Variants in CUX2 observed in about 807,000 individuals in gnomAD.
CUX2 encodes the protein homeobox protein cut-like 2.
CUX2 carries 40 observed loss-of-function variants against 144.8 expected under a neutral mutation model. The observed-to-expected ratio is 0.28, with a 90% confidence interval of 0.21 to 0.36. The LOEUF (loss-of-function observed/expected upper bound fraction) is 0.36, where lower values mean the gene tolerates loss of function less well. CUX2 is among the 10% of genes least tolerant of loss of function. The pLI is 1.00. For missense variants in CUX2, 1,615 were observed against 1,994.0 expected, an observed-to-expected ratio of 0.81 and a Z score of 3.62; for synonymous variants, 827 against 875.6, an observed-to-expected ratio of 0.94 and a Z score of 0.98.
chr12:111,214,187 TTTA>T lies in CUX2; in HGVS notation c.64-10_64-8del. 7.0e-7 allele frequency: 1 copy of T among 1,426,626 alleles called. No individual in the cohort carries two copies. Among genetic ancestry groups the T allele is most frequent in the Non-Finnish European group, 9.5e-7 (1 of 1,056,118 alleles). The allele number at this position is 1,426,626 out of a possible 1,614,324, so 88.4% of individuals were successfully genotyped here. A position where few individuals can be genotyped will look rare whatever the true frequency, so the allele number is the denominator to read the frequency against. ...TCTCTCTCTCTCTTTTTTTTTTTTT[TTTA>T]TTGTTCCAGAAGGAGCTTAATTCCG... On this transcript the variant is annotated splice_polypyrimidine_tract_variant and intron_variant, in intron 1 of 21. Transcript: ENST00000261726.
intron 1 of CUX2, among the ~76,000 whole-genome samples, chr12:111,135,375 C>CAATGCAA (rs1208525525): frequency 6.6e-6 from 1 of 152,048 alleles, no homozygotes; most frequent in African/African-American, 2.4e-5. Context: ...AGTGAACCAC[C>CAATGCAA]AATGCAAAAT....
intron 18 of CUX2, among the ~76,000 whole-genome samples, chr12:111,327,080 T>C (rs1434319876): frequency 6.6e-6 from 1 of 152,190 alleles, no homozygotes; most frequent in Admixed American, 6.6e-5. Flanking sequence ...CCAGCAGTCA[T>C]TGCCCATCCT....
At chr12:111,128,373 G>T (rs927722368) in intron 1 of CUX2, among the ~76,000 whole-genome samples, 4 of 152,120 alleles carry the variant, frequency 2.6e-5, no homozygotes, top group African/African-American at 9.7e-5. Flanking sequence ...ACCAGGTCCG[G>T]GTCAATTCTG....
At chr12:111,085,175 G>T (rs370269392) in intron 1 of CUX2, among the ~76,000 whole-genome samples, 3 of 152,314 alleles carry the variant, frequency 2.0e-5, no homozygotes, top group South Asian at 4.1e-4. Context: ...AGGTGCTGTG[G>T]TGTGCTGGAG....
At chr12:111,207,645 C>A (rs912576957) in intron 1 of CUX2, among the ~76,000 whole-genome samples, 1 of 152,166 alleles carries the variant, frequency 6.6e-6, no homozygotes, top group African/African-American at 2.4e-5. Flanking sequence ...CATATCCTTA[C>A]AAGAGATACT....
chr12:111,290,957 G>A (rs1030879722), intron 4 of CUX2, among the ~76,000 whole-genome samples: 17 of 151,872 alleles, frequency 1.1e-4, no homozygotes, highest in Non-Finnish European at 2.1e-4. Flanking sequence ...CCACCTCCTG[G>A]GTTCAAGCGA....
Position 111,287,783 on chromosome 12 carries a change from G to A in CUX2, c.302-3635G>A, listed in dbSNP as rs1885467645. Among the ~76,000 whole-genome samples, 1 of 152,216 alleles carries A rather than the reference G, an allele frequency of 6.6e-6. No homozygotes were observed. The highest frequency in any genetic ancestry group is 1.5e-5 in the Non-Finnish European group (1 of 68,038). ...AAGCCCCTGCCACCTAAACAAACAGGCCACAGCAGAGTAAAACAGGGAAGC... is the reference window on the plus strand; with the variant it reads ...AAGCCCCTGCCACCTAAACAAACAGACCACAGCAGAGTAAAACAGGGAAGC... On this transcript the variant is annotated intron_variant, in intron 4 of 21. Coordinates refer to ENST00000261726, the MANE Select transcript of CUX2 (RefSeq NM_015267.4). This position sits in a 1 kb window ranked among gnomAD's most constrained non-coding sequence, Gnocchi z 4.2.
chr12:111,121,231 AC>A (rs933405827), intron 1 of CUX2, among the ~76,000 whole-genome samples: 13 of 151,974 alleles, frequency 8.6e-5, no homozygotes, highest in Admixed American at 7.9e-4. Context: ...TTTCTATGTC[AC>A]CCAGTTGCCC....
In CUX2 at chr12:111,348,010, A is replaced by G. The variant is rs1888894158; in HGVS notation, c.4146A>G (p.Ser1382=). The change falls in exon 22 of 22, where the codon TCA becomes TCG. Residue 1382 remains serine (S), a synonymous_variant. Coordinates refer to ENST00000261726, the MANE Select transcript of CUX2 (RefSeq NM_015267.4). ...ACCCGGACCCTTTAAGTTTTAAGTC[A>G]GCCTCAGAGTCCTCACGCTGCAGCC... The part of the protein sequence containing the change: ...RLHPDPLSFK[S]ASESSRCSLE... 6.2e-7 allele frequency: 1 copy of G among 1,614,102 alleles called. No homozygotes were observed. The highest frequency in any genetic ancestry group is 1.3e-5 in the African/African-American group (1 of 75,026).
intron 3 of CUX2, among the ~76,000 whole-genome samples, chr12:111,221,043 C>G (rs1250213633): frequency 6.6e-6 from 1 of 151,110 alleles, no homozygotes; most frequent in African/African-American, 2.4e-5. Flanking sequence ...AATACTAGGA[C>G]AGAGAAAGTC....
chr12:111,210,894 C>T (rs578243985), intron 1 of CUX2, among the ~76,000 whole-genome samples: 25 of 151,990 alleles, frequency 1.6e-4, no homozygotes, highest in East Asian at 9.7e-4. Context: ...CTGATGGAGA[C>T]GCAGAGCAGA....
At chr12:111,336,460 T>TGTGTGTGTGTGTGTG (rs1490518484) in intron 19 of CUX2, among the ~76,000 whole-genome samples, 21 of 130,744 alleles carry the variant, frequency 1.6e-4, no homozygotes, top group African/African-American at 6.2e-4. Context: ...GTGTGTGTGT[T>TGTGTGTGTGTGTGTG]TAAGATGGAG....
chr12:111,133,678 A>G (rs1875654811), intron 1 of CUX2, among the ~76,000 whole-genome samples: 1 of 152,160 alleles, frequency 6.6e-6, no homozygotes, highest in South Asian at 2.1e-4. Flanking sequence ...CTGGGAATTC[A>G]GTCTAGTTAC....
intron 1 of CUX2, among the ~76,000 whole-genome samples, chr12:111,150,472 C>A (rs574531912): frequency 1.3e-5 from 2 of 152,280 alleles, no homozygotes; most frequent in South Asian, 2.1e-4. Context: ...TAACACGGGG[C>A]TCCGGGAGAA....
At chr12:111,174,555 T>C (rs1478024813) in intron 1 of CUX2, among the ~76,000 whole-genome samples, 1 of 152,216 alleles carries the variant, frequency 6.6e-6, no homozygotes, top group Non-Finnish European at 1.5e-5. Context: ...ACAGTTTACC[T>C]GCAATGGTTA....
At chr12:111,123,882 C>A (rs1021486520) in intron 1 of CUX2, among the ~76,000 whole-genome samples, 1 of 152,182 alleles carries the variant, frequency 6.6e-6, no homozygotes, top group Non-Finnish European at 1.5e-5. Context: ...TCCTTTTGGT[C>A]CCCTTGTATT....
At chr12:111,169,483 A>G (rs1432027474) in intron 1 of CUX2, among the ~76,000 whole-genome samples, 1 of 152,162 alleles carries the variant, frequency 6.6e-6, no homozygotes, top group Non-Finnish European at 1.5e-5. Flanking sequence ...GGCCACAACC[A>G]TACTCGTTTT....
rs150589071 is a variant in CUX2, at chr12:111,090,844, T to C, written c.63+56604T>C. On this transcript the variant is annotated intron_variant, in intron 1 of 21. Coordinates refer to ENST00000261726, the MANE Select transcript of CUX2 (RefSeq NM_015267.4). ...ACTCTCTCTGTTTTTTTTTTAATTGTAAAAACCAGTTTGAGGTCTCCTTCT... is the reference window on the plus strand; with the variant it reads ...ACTCTCTCTGTTTTTTTTTTAATTGCAAAAACCAGTTTGAGGTCTCCTTCT... Among the ~76,000 whole-genome samples the C allele has an allele frequency of 3.0e-3, 454 of 152,108 alleles. 4 individuals are homozygous for C. Among genetic ancestry groups the C allele is most frequent in the African/African-American group, 0.01 (428 of 41,482 alleles).
At chr12:111,240,513 G>A (rs1026714052) in intron 3 of CUX2, among the ~76,000 whole-genome samples, 3 of 152,318 alleles carry the variant, frequency 2.0e-5, no homozygotes, top group East Asian at 1.9e-4. Context: ...GAGTATCACC[G>A]GTCTAGCCTG....
Sources: allele counts gnomAD v4.1 joint callset (sites outside exome capture counted in the v4.1 genomes callset), GRCh38; gene constraint gnomAD v4.1.1; non-coding constraint Gnocchi (gnomAD v3.1); transcripts MANE v1.5; gene names NCBI Gene and HGNC (gene_info 2026-07-23, HGNC 2026-07-21).